Variants in ZNF831 observed in about 807,000 individuals in gnomAD.
ZNF831 encodes the protein chromosome 20 open reading frame 174.
ZNF831 carries 59 observed loss-of-function variants against 95.8 expected under a neutral mutation model. That is an observed-to-expected ratio of 0.62 (90% CI 0.50 to 0.77). The LOEUF is 0.77. ZNF831 is among the 30% of genes least tolerant of loss of function. The probability of loss-of-function intolerance (pLI) is 0.00; values close to 1 mark genes in which losing one functional copy is unlikely to be tolerated. For synonymous variants in ZNF831, 961 were observed against 925.5 expected (o/e 1.04, Z -0.70); for missense variants, 2,205 against 2,164.0 (o/e 1.02, Z -0.38).
At chr20:59,138,637 A>T (rs889582706) in intron 1 of ZNF831, among the ~76,000 whole-genome samples, 18 of 152,234 alleles carry the variant, frequency 1.2e-4, no homozygotes, top group African/African-American at 4.3e-4. Flanking sequence ...ATGTGGGCAG[A>T]GGGACACGTG....
chr20:59,145,224 A>G (rs1237385524), intron 1 of ZNF831, among the ~76,000 whole-genome samples: 1 of 152,144 alleles, frequency 6.6e-6, no homozygotes, highest in African/African-American at 2.4e-5. Context: ...TTCTGGCCCA[A>G]TCTTGCTCTC....
upstream of ZNF831, chr20:59,160,833 G>A (rs951088903): frequency 6.7e-6 from 1 of 150,004 alleles, no homozygotes; most frequent in Non-Finnish European, 1.5e-5. Flanking sequence ...GCATGAGGTA[G>A]TTTTGTTTGA....
In ZNF831 at chr20:59,190,846, G is replaced by T. The variant is rs149151932; in HGVS notation, c.-36-138G>T. The T allele has an allele frequency of 3.1e-5, 21 of 686,466 alleles. No homozygotes were observed. The Admixed American group carries it at 7.9e-4, about 26-fold the overall frequency. 42.5% of individuals were successfully genotyped at this position (686,466 alleles called of 1,614,324 possible). On this transcript the variant is annotated intron_variant, in intron 1 of 5. Coordinates refer to ENST00000371030, the MANE Select transcript of ZNF831 (RefSeq NM_178457.3). ...TTTTGGATGAGAGTACCTTCCTCTC[G>T]CTTGGGATGAGAGTACATTCCTTAG... is the stretch of plus-strand genomic sequence containing the variant.
rs763876170 is a variant in ZNF831, at chr20:59,186,379, G to C, written c.-36-4605G>C. The stretch of plus-strand genomic sequence containing the variant: ...GACAAGGGTAGGAGGAAGACAGGGT[G>C]GGGGAGGAACCGGTAGTTAATAGTT... On this transcript the variant is annotated intron_variant, in intron 1 of 5. Coordinates refer to ENST00000371030, the MANE Select transcript of ZNF831 (RefSeq NM_178457.3). Among the ~76,000 whole-genome samples, 7 of 152,152 alleles carry C rather than the reference G, an allele frequency of 4.6e-5. No individual in the cohort carries two copies. In the South Asian group the frequency reaches 1.2e-3, roughly 27 times the overall value.
At chr20:59,230,465 G>A (rs1986663015) in intron 4 of ZNF831, among the ~76,000 whole-genome samples, 2 of 151,958 alleles carry the variant, frequency 1.3e-5, no homozygotes, top group Admixed American at 1.3e-4. Flanking sequence ...GAACAACAGA[G>A]TGAGACTCTG....
intron 1 of ZNF831, among the ~76,000 whole-genome samples, 163 bp from the exon 2 acceptor site, chr20:59,190,820 CT>C (rs1290817763): frequency 6.6e-6 from 1 of 152,236 alleles, no homozygotes; most frequent in African/African-American, 2.4e-5. Flanking sequence ...TCAGCTTTCC[CT>C]TTTGGATGAG....
At chr20:59,190,760 C>T (rs952975863) in intron 1 of ZNF831, among the ~76,000 whole-genome samples, 11 of 152,224 alleles carry the variant, frequency 7.2e-5, no homozygotes, top group South Asian at 4.1e-4. Context: ...GTCCAAATCC[C>T]GCTTTGCCAC....
intron 1 of ZNF831, among the ~76,000 whole-genome samples, chr20:59,186,995 G>C (rs1291138331): frequency 2.0e-5 from 3 of 151,966 alleles, no homozygotes; most frequent in Non-Finnish European, 2.9e-5. Context: ...TGTGGTGTCA[G>C]TGCTTCCACT....
At chr20:59,177,688 C>T (rs1268843848) in intron 1 of ZNF831, among the ~76,000 whole-genome samples, 2 of 152,170 alleles carry the variant, frequency 1.3e-5, no homozygotes, top group Non-Finnish European at 2.9e-5. Context: ...TGGACGAGGA[C>T]GGTCTCTCCT....
chr20:59,180,183 G>T (rs1339705431), intron 1 of ZNF831, among the ~76,000 whole-genome samples: 1 of 152,060 alleles, frequency 6.6e-6, no homozygotes, highest in African/African-American at 2.4e-5. Flanking sequence ...AACCTCCTCA[G>T]TTCAAGCGGT....
intron 1 of ZNF831, among the ~76,000 whole-genome samples, chr20:59,186,941 T>G (rs1158009870): frequency 6.9e-6 from 1 of 145,936 alleles, no homozygotes; most frequent in Non-Finnish European, 1.5e-5. Context: ...GCTTTCAGGA[T>G]GAAAAAAAAA....
chr20:59,239,550 T>C (rs1019321187), intron 4 of ZNF831, among the ~76,000 whole-genome samples: 3 of 37,992 alleles, frequency 7.9e-5, no homozygotes, highest in African/African-American at 2.8e-4. Context: ...CTGTAAACAC[T>C]TTTTTTTTTT....
At chr20:59,162,496 A>T (rs1440475865), upstream of ZNF831, among the ~76,000 whole-genome samples, 1 of 152,216 alleles carries the variant, frequency 6.6e-6, no homozygotes, top group Non-Finnish European at 1.5e-5. Flanking sequence ...TCTATTCAAC[A>T]TTCTTCTGCA....
At position 59,192,430 on chromosome 20, in the gene ZNF831, C is replaced by A. The variant is rs755225265; in HGVS notation, c.1411C>A (p.Arg471Ser). ...CCGTAGGAGGGCCCCGGGCCCCGTG[C>A]GCTCCACCTGGACGCCCCCAGACAA... The part of the protein sequence containing the change: ...PGRRRAPGPV[R>S]STWTPPDKSR... Residue 471 changes from arginine to serine, a missense_variant, in exon 2 of 6, where the codon CGC becomes AGC. Transcript: ENST00000371030. The surrounding 1 kb of genome is among the most constrained non-coding windows in gnomAD (Gnocchi z 5.2). 6 of 1,608,924 alleles carry A rather than the reference C, an allele frequency of 3.7e-6. No homozygotes were observed. The Admixed American group carries it at 8.4e-5, about 23-fold the overall frequency.
At chr20:59,131,185 G>A (rs549008755) in intron 1 of ZNF831, among the ~76,000 whole-genome samples, 115 of 152,260 alleles carry the variant, frequency 7.6e-4, no homozygotes, top group Non-Finnish European at 1.3e-3. Context: ...GTTGGAAAAG[G>A]CGTCCTCTCT....
chr20:59,218,695 C>A (rs755925151), intron 4 of ZNF831, among the ~76,000 whole-genome samples: 1 of 151,700 alleles, frequency 6.6e-6, no homozygotes, highest in African/African-American at 2.4e-5. Flanking sequence ...GGATGTTGAG[C>A]GGCCAGGTAT....
At position 59,259,052 on chromosome 20, in the gene ZNF831, ACTTT is replaced by A. The variant is rs1422190412; in HGVS notation, c.*4318_*4321del. On this transcript the variant is annotated 3_prime_UTR_variant, in exon 6 of 6. Coordinates refer to ENST00000371030, the MANE Select transcript of ZNF831 (RefSeq NM_178457.3). ...GATTGGCTTCTTGGTTGTTTGTTGA[ACTTT>A]CTTTCTTTATATGGTTAAATTATTT... 4.6e-5 allele frequency: 7 copies of A among 152,204 alleles called. No individual in the cohort carries two copies. In the East Asian group the frequency reaches 1.2e-3, roughly 25 times the overall value. The allele number at this position is 152,204 out of a possible 1,614,324, so 9.4% of individuals were successfully genotyped here.
intron 4 of ZNF831, among the ~76,000 whole-genome samples, chr20:59,238,754 A>C (rs1391949612): frequency 6.6e-6 from 1 of 152,226 alleles, no homozygotes; most frequent in East Asian, 1.9e-4. Flanking sequence ...TTTCTATGCT[A>C]AAACTATTTT....
chr20:59,234,078 C>T (rs1480579051), intron 4 of ZNF831, among the ~76,000 whole-genome samples: 1 of 152,156 alleles, frequency 6.6e-6, no homozygotes, highest in Non-Finnish European at 1.5e-5. Context: ...GGTGGGCCAC[C>T]TTGGGGTAGC....
Sources: gnomAD v4.1 joint callset for allele counts (sites outside exome capture counted in the v4.1 genomes callset) on GRCh38, gnomAD v4.1.1 for gene constraint, Gnocchi (gnomAD v3.1) non-coding constraint, MANE v1.5 for transcripts, NCBI Gene and HGNC (gene_info 2026-07-23, HGNC 2026-07-21) for gene names.